The following TMIE variants were observed in gnomAD, a reference collection of about 807,000 sequenced individuals.
TMIE encodes transmembrane inner ear, also known as transmembrane inner ear expressed protein.
A neutral mutation model predicts 16.8 loss-of-function variants in TMIE; 14 were observed. The ratio of observed to expected loss-of-function variants is 0.83; its 90% CI spans 0.55 to 1.30. TMIE has a LOEUF of 1.30. Ranked by LOEUF, TMIE falls within the 50% of genes most tolerant of loss-of-function variation. The pLI is 0.00. For synonymous variants in TMIE, 75 were observed against 87.2 expected (o/e 0.86, Z 0.78); for missense variants, 204 against 205.9 (o/e 0.99, Z 0.06).
At chr3:46,706,721 G>C (rs1207422078) in intron 2 of TMIE, among the ~76,000 whole-genome samples, 1 of 152,214 alleles carries the variant, frequency 6.6e-6, no homozygotes, top group African/African-American at 2.4e-5. Context: ...GGGTAGGTGG[G>C]GTTTTGCAGG....
At position 46,709,792 on chromosome 3, in the gene TMIE, G is replaced by A; in HGVS notation, c.*104G>A. 7 of 1,582,634 alleles carry A rather than the reference G, an allele frequency of 4.4e-6. No homozygotes were observed. The highest frequency in any genetic ancestry group is 5.1e-6 in the Non-Finnish European group (6 of 1,165,740). On this transcript the variant is annotated 3_prime_UTR_variant, in exon 4 of 4. Transcript: ENST00000643606. ...TCATTTGGGGACCACAGAGGCTGTG[G>A]TCAGAGAGGGAAGCTGAGGCCCATG...
At chr3:46,702,740 T>C (rs1335214242) in intron 1 of TMIE, among the ~76,000 whole-genome samples, 1 of 152,038 alleles carries the variant, frequency 6.6e-6, no homozygotes, top group East Asian at 1.9e-4. Flanking sequence ...GATGGGGACA[T>C]AGGGACAGAG....
upstream of TMIE, among the ~76,000 whole-genome samples, chr3:46,701,040 C>G (rs879725808): frequency 1.3e-5 from 2 of 151,840 alleles, no homozygotes; most frequent in African/African-American, 2.4e-5. This position sits in a 1 kb window ranked among gnomAD's most constrained non-coding sequence, Gnocchi z 4.3. Context: ...TGCCCCCCCC[C>G]CAAACTCAAA....
Position 46,709,698 on chromosome 3 carries a change from G to A in TMIE, c.*10G>A. Reference sequence around the variant, plus strand: ...GAAAGGAGAGAAATGAAGACATCCTGGGCAGCTTGGGCTGGCGGGCCCTGG... The same window carrying A: ...GAAAGGAGAGAAATGAAGACATCCTAGGCAGCTTGGGCTGGCGGGCCCTGG... On this transcript the variant is annotated 3_prime_UTR_variant, in exon 4 of 4. Coordinates refer to ENST00000643606, the MANE Select transcript of TMIE (RefSeq NM_147196.3). 6.2e-7 allele frequency: 1 copy of A among 1,613,882 alleles called. No individual in the cohort carries two copies. The highest frequency in any genetic ancestry group is 1.1e-5 in the South Asian group (1 of 91,042).
intron 2 of TMIE, among the ~76,000 whole-genome samples, chr3:46,707,416 G>A (rs1700564663): frequency 6.6e-6 from 1 of 152,226 alleles, no homozygotes. Context: ...CTGAGCAGCA[G>A]GCAGCACTTG....
At chr3:46,705,601 G>A (rs1207196782) in intron 1 of TMIE, among the ~76,000 whole-genome samples, 189 bp from the exon 2 acceptor site, 1 of 152,222 alleles carries the variant, frequency 6.6e-6, no homozygotes, top group African/African-American at 2.4e-5. Context: ...ACCTGGCTCT[G>A]CTCAGTTCTC....
chr3:46,705,763 C>T, intron 1 of TMIE, 27 bp from the exon 2 acceptor site: 2 of 1,608,180 alleles, frequency 1.2e-6, no homozygotes, highest in Non-Finnish European at 1.7e-6. Flanking sequence ...CTCTGCCTAA[C>T]TCACTCCCCT....
In TMIE at chr3:46,701,545, G is replaced by A. The variant is rs946521528; in HGVS notation, c.58G>A (p.Val20Met). Residue 20 changes from valine (V) to methionine (M), a missense_variant, in exon 1 of 4, where the codon GTG (valine) becomes ATG (methionine). Val to Met is a conservative substitution (Grantham distance 21). Transcript: ENST00000643606. The surrounding 1 kb of genome is among the most constrained non-coding windows in gnomAD (Gnocchi z 4.3). Reference protein sequence around the residue: ...LCVLGGAALGVCLAGVAGQLV... With the variant: ...LCVLGGAALGMCLAGVAGQLV... ...CGTGCTGGGCGGCGCCGCACTCGGGGTGTGCCTCGCGGGGGTTGCCGGGCA... is the reference window on the plus strand; with the variant it reads ...CGTGCTGGGCGGCGCCGCACTCGGGATGTGCCTCGCGGGGGTTGCCGGGCA... 1 of 1,295,658 alleles carries A rather than the reference G, an allele frequency of 7.7e-7. No homozygotes were observed. Among genetic ancestry groups the A allele is most frequent in the South Asian group, 2.4e-5 (1 of 41,026 alleles). 80.3% of individuals were successfully genotyped at this position (1,295,658 alleles called of 1,614,324 possible).
rs1351193282 is a variant in TMIE, at chr3:46,704,480, TCCCTAGATGCCCAGGGCAGGACCGTGTC to T, written c.94-1302_94-1275del. On this transcript the variant is annotated intron_variant, in intron 1 of 3. Coordinates refer to ENST00000643606, the MANE Select transcript of TMIE (RefSeq NM_147196.3). ...CCTAGACACCCAGGGCAGGACCATG[TCCCTAGATGCCCAGGGCAGGACCGTGTC>T]CCCTAGACGCCCAGGGCAGGACCGT... 1.7e-3 allele frequency among the ~76,000 whole-genome samples: 210 copies of T among 120,238 alleles called. 2 individuals are homozygous for T. Among genetic ancestry groups the T allele is most frequent in the East Asian group, 2.1e-3 (7 of 3,398 alleles). The allele number at this position is 120,238 out of a possible 152,430, so 78.9% of individuals were successfully genotyped here.
upstream of TMIE, among the ~76,000 whole-genome samples, chr3:46,698,976 C>G: frequency 6.6e-6 from 1 of 151,588 alleles, no homozygotes; most frequent in South Asian, 2.1e-4. Flanking sequence ...CCACCACACT[C>G]AGCCGACTTA....
intron 1 of TMIE, among the ~76,000 whole-genome samples, chr3:46,703,243 A>G (rs1384628289): frequency 6.6e-6 from 1 of 152,138 alleles, no homozygotes; most frequent in Non-Finnish European, 1.5e-5. Context: ...AGACCCCAGC[A>G]GGGCCCAACA....
intron 2 of TMIE, among the ~76,000 whole-genome samples, chr3:46,706,376 C>T (rs73061887): frequency 0.045 from 6,886 of 152,242 alleles, 270 homozygotes; most frequent in East Asian, 0.14. Flanking sequence ...GACTCACACC[C>T]GCCTCAATTA....
intron 1 of TMIE, 78 bp from the exon 2 acceptor site, chr3:46,705,712 C>T: frequency 1.6e-6 from 2 of 1,254,284 alleles, no homozygotes. Context: ...TGAGTGTTTG[C>T]TGAGACCTGG....
intron 1 of TMIE, among the ~76,000 whole-genome samples, chr3:46,704,532 G>GTGTCCCCTAGACGCCCAGGGCAGGACCA (rs1559496041): frequency 0.016 from 1,762 of 112,754 alleles, 20 homozygotes; most frequent in Non-Finnish European, 0.018. Context: ...GGGCAGGACC[G>GTGTCCCCTAGACGCCCAGGGCAGGACCA]TGTCCCCTAG....
rs1015683926 is a variant in TMIE, at chr3:46,702,377, C to G, written c.93+797C>G. Among the ~76,000 whole-genome samples, 4 of 152,146 alleles carry G rather than the reference C, an allele frequency of 2.6e-5. No individual in the cohort carries two copies. The South Asian group carries it at 8.3e-4, about 32-fold the overall frequency. On this transcript the variant is annotated intron_variant, in intron 1 of 3. Transcript: ENST00000643606. Reference sequence around the variant, plus strand: ...GCTGGGGGAGAGCCCTGGTGGAGAGCCTGGCTGGGGCCAGGAAGGGTGGGG... The same window carrying G: ...GCTGGGGGAGAGCCCTGGTGGAGAGGCTGGCTGGGGCCAGGAAGGGTGGGG...
At position 46,709,738 on chromosome 3, in the gene TMIE, C is replaced by A. The variant is rs1369063241; in HGVS notation, c.*50C>A. ...GCGGGCCCTGGAGCTCAAGCCGTGG[C>A]CGGGGTCCAGGCATGTTGGACTCTG... On this transcript the variant is annotated 3_prime_UTR_variant, in exon 4 of 4. Coordinates refer to ENST00000643606, the MANE Select transcript of TMIE (RefSeq NM_147196.3). 6.2e-7 allele frequency: 1 copy of A among 1,611,088 alleles called. No individual in the cohort carries two copies. Among genetic ancestry groups the A allele is most frequent in the Non-Finnish European group, 8.5e-7 (1 of 1,178,862 alleles).
chr3:46,705,543 C>T (rs1700541086), intron 1 of TMIE, among the ~76,000 whole-genome samples: 1 of 152,224 alleles, frequency 6.6e-6, no homozygotes, highest in African/African-American at 2.4e-5. Context: ...ACATTTGCTC[C>T]TCCAGGCCTT....
upstream of TMIE, among the ~76,000 whole-genome samples, chr3:46,697,606 A>C (rs1404624513): frequency 6.6e-6 from 1 of 152,134 alleles, no homozygotes; most frequent in Non-Finnish European, 1.5e-5. Context: ...TCTGTGACCC[A>C]CTCCAGCAAA....
In TMIE at chr3:46,710,119, AGTAG is replaced by A; in HGVS notation, c.*432_*435del. 3.5e-6 allele frequency: 1 copy of A among 286,426 alleles called. No individual in the cohort carries two copies. Among genetic ancestry groups the A allele is most frequent in the Non-Finnish European group, 6.9e-6 (1 of 145,614 alleles). The allele number at this position is 286,426 out of a possible 1,614,324, so 17.7% of individuals were successfully genotyped here. ...GGTCAGGGTGTGAGGCCACACCCAG[AGTAG>A]CCATGAGGAGGCAGAGAGGGTCACT... On this transcript the variant is annotated 3_prime_UTR_variant, in exon 4 of 4. Transcript: ENST00000643606.
Sources: allele counts gnomAD v4.1 joint callset (sites outside exome capture counted in the v4.1 genomes callset), GRCh38; gene constraint gnomAD v4.1.1; non-coding constraint Gnocchi (gnomAD v3.1); transcripts MANE v1.5; gene names NCBI Gene and HGNC (gene_info 2026-07-23, HGNC 2026-07-21).